SLC8A1: variants seen among roughly 807,000 people sequenced by gnomAD.
The protein encoded by SLC8A1 is solute carrier family 8 member A1.
A neutral mutation model predicts 68.3 loss-of-function variants in SLC8A1; 18 were observed. That is an observed-to-expected ratio of 0.26 (90% CI 0.18 to 0.39). The LOEUF is 0.39. SLC8A1 is among the 10% of genes least tolerant of loss of function. The probability of loss-of-function intolerance (pLI) is 1.00; values close to 1 mark genes in which losing one functional copy is unlikely to be tolerated. For synonymous variants in SLC8A1, 475 were observed against 415.5 expected, an observed-to-expected ratio of 1.14 and a Z score of -1.74; for missense variants, 985 against 1,156.7, an observed-to-expected ratio of 0.85 and a Z score of 2.15.
At chr2:40,458,691 C>G (rs34305770) in intron 1 of SLC8A1, among the ~76,000 whole-genome samples, 3 of 152,028 alleles carry the variant, frequency 2.0e-5, no homozygotes, top group African/African-American at 7.2e-5. Flanking sequence ...GCAATCTGAC[C>G]GAGCCTCAGG....
chr2:40,174,355 G>A (rs1029054391), intron 4 of SLC8A1, among the ~76,000 whole-genome samples: 2 of 152,004 alleles, frequency 1.3e-5, no homozygotes, highest in African/African-American at 4.8e-5. Context: ...CTTGGACCAC[G>A]GATCCATCTT....
At chr2:40,495,089 C>T (rs979658569) in intron 1 of SLC8A1, among the ~76,000 whole-genome samples, 2 of 151,854 alleles carry the variant, frequency 1.3e-5, no homozygotes, top group African/African-American at 2.4e-5. Context: ...ACTTTGTAGT[C>T]TGTGTACTTT....
intron 2 of SLC8A1, among the ~76,000 whole-genome samples, chr2:40,180,509 C>T (rs2049302841): frequency 6.6e-6 from 1 of 152,158 alleles, no homozygotes; most frequent in Non-Finnish European, 1.5e-5. Context: ...TGGTACATTT[C>T]TACAAAAACA....
chr2:40,239,934 T>A (rs1163174322), intron 2 of SLC8A1, among the ~76,000 whole-genome samples: 2 of 152,218 alleles, frequency 1.3e-5, no homozygotes, highest in Admixed American at 1.3e-4. Context: ...GAAGAGTAGT[T>A]TTCTCAATTT....
chr2:40,242,717 G>C (rs1191183589), intron 2 of SLC8A1, among the ~76,000 whole-genome samples: 1 of 152,076 alleles, frequency 6.6e-6, no homozygotes, highest in Non-Finnish European at 1.5e-5. Context: ...TTAAAATATG[G>C]TATCTATAAT....
Position 40,234,239 on chromosome 2 carries a change from T to C in SLC8A1, c.1809-56384A>G, listed in dbSNP as rs900925594. Reference sequence around the variant, plus strand: ...ATTCTTCCTACCCATGAGCATGGAATGTTCTTCCATTTGTTTGTTTCCTCT... The same window carrying C: ...ATTCTTCCTACCCATGAGCATGGAACGTTCTTCCATTTGTTTGTTTCCTCT... On this transcript the variant is annotated intron_variant, in intron 2 of 7. Transcript: ENST00000406785. Among the ~76,000 whole-genome samples the C allele has an allele frequency of 2.2e-4, 33 of 152,084 alleles. 1 individual carries two copies. Among genetic ancestry groups the C allele is most frequent in the African/African-American group, 7.7e-4 (32 of 41,412 alleles).
chr2:40,408,028 T>C (rs2149686465), intron 2 of SLC8A1, among the ~76,000 whole-genome samples: 1 of 152,280 alleles, frequency 6.6e-6, no homozygotes, highest in Non-Finnish European at 1.5e-5. Flanking sequence ...AGTGATAAAG[T>C]CACAAATATG....
chr2:40,178,254 C>A, intron 2 of SLC8A1, 133 bp downstream of exon 3: 1 of 730,256 alleles, frequency 1.4e-6, no homozygotes, highest in South Asian at 1.6e-5. Flanking sequence ...TGTGGCTCAG[C>A]ATGAGATCTG....
chr2:40,341,781 G>C (rs1047550411), intron 2 of SLC8A1, among the ~76,000 whole-genome samples: 1 of 152,000 alleles, frequency 6.6e-6, no homozygotes, highest in Non-Finnish European at 1.5e-5. Context: ...GTTTTTTGCT[G>C]GACTTCTAAC....
intron 7 of SLC8A1, among the ~76,000 whole-genome samples, chr2:40,138,707 A>G (rs1350250045): frequency 6.6e-6 from 1 of 152,162 alleles, no homozygotes; most frequent in Non-Finnish European, 1.5e-5. Flanking sequence ...GATCCCCACC[A>G]AAGTTTGAAA....
At chr2:40,295,843 C>T (rs1479112203) in intron 2 of SLC8A1, among the ~76,000 whole-genome samples, 1 of 152,110 alleles carries the variant, frequency 6.6e-6, no homozygotes, top group Non-Finnish European at 1.5e-5. Flanking sequence ...TGTCTAAAGA[C>T]AGCTATCATT....
chr2:40,203,539 TAGTTGCTCAAGA>T, intron 2 of SLC8A1, among the ~76,000 whole-genome samples: 1 of 152,080 alleles, frequency 6.6e-6, no homozygotes, highest in South Asian at 2.1e-4. Flanking sequence ...ACACTTCCAT[TAGTTGCTCAAGA>T]GAAATGCAAG....
exon 2 of SLC8A1, chr2:40,428,872 T>A (rs372616748): frequency 1.2e-6 from 2 of 1,613,806 alleles, no homozygotes; most frequent in Non-Finnish European, 1.7e-6. Flanking sequence ...CTTCTGGGTA[T>A]CACCAGGCTT....
At chr2:40,221,536 G>A (rs6757136) in intron 2 of SLC8A1, among the ~76,000 whole-genome samples, 112,653 of 152,038 alleles carry the variant, frequency 0.74, 42,409 homozygotes, top group Middle Eastern at 0.84. Flanking sequence ...GGCCAGGGCA[G>A]TCAGGCAAGA....
intron 6 of SLC8A1, among the ~76,000 whole-genome samples, chr2:40,149,103 G>C (rs2042968019): frequency 6.6e-6 from 1 of 152,152 alleles, no homozygotes; most frequent in Non-Finnish European, 1.5e-5. Flanking sequence ...TAAGTCTGTA[G>C]GTTTGAACTC....
At chr2:40,501,316 A>G (rs1215164675) in intron 1 of SLC8A1, among the ~76,000 whole-genome samples, 1 of 152,064 alleles carries the variant, frequency 6.6e-6, no homozygotes, top group Non-Finnish European at 1.5e-5. Flanking sequence ...TGGAAACTTC[A>G]TTAAGTTGTA....
chr2:40,306,389 A>C (rs2072599075), intron 2 of SLC8A1, among the ~76,000 whole-genome samples: 1 of 151,862 alleles, frequency 6.6e-6, no homozygotes, highest in South Asian at 2.1e-4. Flanking sequence ...GGCAGAACAA[A>C]AGGGCTGTGA....
intron 6 of SLC8A1, among the ~76,000 whole-genome samples, chr2:40,150,369 G>T (rs2043195210): frequency 6.6e-6 from 1 of 152,188 alleles, no homozygotes; most frequent in Non-Finnish European, 1.5e-5. Flanking sequence ...TTTGTGTGTG[G>T]TGGAGGGTGG....
intron 1 of SLC8A1, among the ~76,000 whole-genome samples, chr2:40,433,391 G>T (rs1197852911): frequency 6.6e-6 from 1 of 152,240 alleles, no homozygotes; most frequent in East Asian, 1.9e-4. Flanking sequence ...TTTCAAAAGA[G>T]CTGAACACCA....
Sources: gnomAD v4.1 joint callset for allele counts (sites outside exome capture counted in the v4.1 genomes callset) on GRCh38, gnomAD v4.1.1 for gene constraint, MANE v1.5 for transcripts, NCBI Gene and HGNC (gene_info 2026-07-23, HGNC 2026-07-21) for gene names.